ANO2: variants seen among roughly 807,000 people sequenced by gnomAD.
ANO2 encodes anoctamin 2, also known as anoctamin-2.
A neutral mutation model predicts 124.2 loss-of-function variants in ANO2; 101 were observed. That is an observed-to-expected ratio of 0.81 (90% confidence interval 0.69 to 0.96). The LOEUF (loss-of-function observed/expected upper bound fraction) is 0.96. ANO2 is among the 40% of genes least tolerant of loss of function. The probability of loss-of-function intolerance (pLI) is 0.00; values close to 1 mark genes in which losing one functional copy is unlikely to be tolerated. For missense variants in ANO2, 1,293 were observed against 1,274.5 expected, an observed-to-expected ratio of 1.01 and a Z score of -0.22; for synonymous variants, 486 against 482.5, an observed-to-expected ratio of 1.01 and a Z score of -0.09.
At position 5,841,870 on chromosome 12, in the gene ANO2, T is replaced by C. The variant is rs550238593; in HGVS notation, c.634-9267A>G. On this transcript the variant is annotated intron_variant, in intron 4 of 24. Coordinates refer to ENST00000682330, the MANE Select transcript of ANO2 (RefSeq NM_001364791.2). ...TGGTGCCTCCTAATTTATTTTACTT[T>C]TTATTTTTTATTTTTTTGAGACAAG... Among the ~76,000 whole-genome samples, 6 of 152,228 alleles carry C rather than the reference T, an allele frequency of 3.9e-5. No individual in the cohort carries two copies. The East Asian group carries it at 1.2e-3, about 29-fold the overall frequency.
At chr12:5,736,379 C>T (rs567274390) in intron 13 of ANO2, among the ~76,000 whole-genome samples, 1 of 152,316 alleles carries the variant, frequency 6.6e-6, no homozygotes, top group African/African-American at 2.4e-5. Flanking sequence ...TGTCAGTTGG[C>T]ACCCTCCTTT....
In ANO2 at chr12:5,807,281, A is replaced by T. The variant is rs770700745; in HGVS notation, c.948+32T>A. 8 of 1,543,110 alleles carry T rather than the reference A, an allele frequency of 5.2e-6. No individual in the cohort carries two copies. The South Asian group carries it at 9.8e-5, about 19-fold the overall frequency. On this transcript the variant is annotated intron_variant, in intron 8 of 24. Transcript: ENST00000682330. ...TGTGGTTTTCAAAGTTTTGAAGACT[A>T]CAGAGAGCACGCTGATGAAAATAGT...
rs564177951 is a variant in ANO2, at chr12:5,825,135, T to C, written c.892+2634A>G. ...ACTATCATGGTATTCCATACAGCAT[T>C]GCATCTGACCAAGGCACTCACTTTA... On this transcript the variant is annotated intron_variant, in intron 7 of 24. Transcript: ENST00000682330. 6.6e-5 allele frequency among the ~76,000 whole-genome samples: 10 copies of C among 152,282 alleles called. No homozygotes were observed. In the South Asian group the frequency reaches 1.5e-3, roughly 22 times the overall value.
intron 14 of ANO2, among the ~76,000 whole-genome samples, chr12:5,698,987 G>A (rs1949298844): frequency 6.6e-6 from 1 of 152,196 alleles, no homozygotes; most frequent in Non-Finnish European, 1.5e-5. Context: ...GAAAGTGACG[G>A]GGAGAATGGA....
At chr12:5,816,029 G>A (rs910143637) in intron 7 of ANO2, among the ~76,000 whole-genome samples, 1 of 151,998 alleles carries the variant, frequency 6.6e-6, no homozygotes, top group South Asian at 2.1e-4. Context: ...ATGGGAAAGA[G>A]AATTAGCTTT....
intron 3 of ANO2, among the ~76,000 whole-genome samples, chr12:5,860,336 T>C (rs1955227411): frequency 1.3e-5 from 2 of 152,198 alleles, no homozygotes; most frequent in South Asian, 4.1e-4. Context: ...ACAATCATTG[T>C]GTCACTAAGC....
At chr12:5,828,500 T>C (rs1475874961) in intron 6 of ANO2, among the ~76,000 whole-genome samples, 3 of 152,230 alleles carry the variant, frequency 2.0e-5, no homozygotes, top group Non-Finnish European at 2.9e-5. Flanking sequence ...TTTATTTCTC[T>C]GGTTTTTTCC....
chr12:5,888,891 G>A (rs901018656), intron 3 of ANO2, among the ~76,000 whole-genome samples: 6 of 152,200 alleles, frequency 3.9e-5, no homozygotes, highest in African/African-American at 7.2e-5. Flanking sequence ...CACGCCGTGC[G>A]CCCACACTCC....
chr12:5,667,134 T>A (rs1051288895), intron 14 of ANO2, among the ~76,000 whole-genome samples: 1 of 152,300 alleles, frequency 6.6e-6, no homozygotes, highest in Non-Finnish European at 1.5e-5. Flanking sequence ...CCCCACCCTA[T>A]GCATTTCTTC....
At position 5,777,269 on chromosome 12, in the gene ANO2, A is replaced by G. The variant is rs192905163; in HGVS notation, c.1055+22238T>C. Among the ~76,000 whole-genome samples, 258 of 152,320 alleles carry G rather than the reference A, an allele frequency of 1.7e-3. 1 individual carries two copies. The highest frequency in any genetic ancestry group is 5.9e-3 in the African/African-American group (246 of 41,576). ...CAAGAAGAAATGATATTTAGCTCAGATAGTGAGGTCATAGGGCGGCAAAAA... is the reference window on the plus strand; with the variant it reads ...CAAGAAGAAATGATATTTAGCTCAGGTAGTGAGGTCATAGGGCGGCAAAAA... On this transcript the variant is annotated intron_variant, in intron 10 of 24. Transcript: ENST00000682330.
chr12:5,628,692 G>GCA (rs1945539506), intron 16 of ANO2, among the ~76,000 whole-genome samples: 3 of 152,090 alleles, frequency 2.0e-5, no homozygotes, highest in South Asian at 2.1e-4. Context: ...GTGTGTGCGC[G>GCA]CGCGCACGCG....
intron 14 of ANO2, among the ~76,000 whole-genome samples, chr12:5,674,088 A>G (rs1201213483): frequency 6.6e-6 from 1 of 152,206 alleles, no homozygotes; most frequent in Non-Finnish European, 1.5e-5. Context: ...GGCTTGCCTC[A>G]GTCACATGCA....
chr12:5,792,745 T>C (rs564441164), intron 10 of ANO2, among the ~76,000 whole-genome samples: 114 of 152,332 alleles, frequency 7.5e-4, no homozygotes, highest in African/African-American at 2.6e-3. Flanking sequence ...TTTCTATAAA[T>C]TTTCTCCATC....
In ANO2 at chr12:5,635,096, G is replaced by A; in HGVS notation, c.1816+56C>T. ...TTTTTATTTTATCACCAAAAGCCTT[G>A]CACGCATTGACTTAAAGAGGGCCTA... On this transcript the variant is annotated intron_variant, in intron 16 of 24. Coordinates refer to ENST00000682330, the MANE Select transcript of ANO2 (RefSeq NM_001364791.2). The surrounding 1 kb of genome is among the most constrained non-coding windows in gnomAD (Gnocchi z 5.2). 7.0e-7 allele frequency: 1 copy of A among 1,423,590 alleles called. No homozygotes were observed. Among genetic ancestry groups the A allele is most frequent in the South Asian group, 1.5e-5 (1 of 66,270 alleles). 88.2% of individuals were successfully genotyped at this position (1,423,590 alleles called of 1,614,324 possible). A position where few individuals can be genotyped will look rare whatever the true frequency, so the allele number is the denominator to read the frequency against.
chr12:5,673,873 T>C (rs1312901783), intron 14 of ANO2, among the ~76,000 whole-genome samples: 1 of 152,138 alleles, frequency 6.6e-6, no homozygotes, highest in Non-Finnish European at 1.5e-5. Context: ...GTCCAGCCCA[T>C]GGACAAAGCT....
intron 11 of ANO2, among the ~76,000 whole-genome samples, chr12:5,746,968 T>C (rs1192362275): frequency 6.6e-6 from 1 of 152,212 alleles, no homozygotes; most frequent in East Asian, 1.9e-4. Flanking sequence ...CATGCACGCA[T>C]GGAAGTATTA....
intron 14 of ANO2, among the ~76,000 whole-genome samples, chr12:5,676,034 T>C (rs1466580678): frequency 6.6e-6 from 1 of 152,170 alleles, no homozygotes; most frequent in Non-Finnish European, 1.5e-5. Flanking sequence ...AGGCTGACAA[T>C]TCTGGGCACC....
At chr12:5,778,678 C>T (rs1482188572) in intron 10 of ANO2, among the ~76,000 whole-genome samples, 4 of 152,152 alleles carry the variant, frequency 2.6e-5, no homozygotes, top group African/African-American at 9.7e-5. Flanking sequence ...GAAATATGGT[C>T]ATCTCAAACC....
intron 10 of ANO2, among the ~76,000 whole-genome samples, chr12:5,770,190 T>C (rs2137119047): frequency 6.6e-6 from 1 of 152,292 alleles, no homozygotes; most frequent in South Asian, 2.1e-4. Flanking sequence ...TGGAAATAGA[T>C]TCCCAATGAC....
Sources: allele counts gnomAD v4.1 joint callset (sites outside exome capture counted in the v4.1 genomes callset), GRCh38; gene constraint gnomAD v4.1.1; non-coding constraint Gnocchi (gnomAD v3.1); transcripts MANE v1.5; gene names NCBI Gene and HGNC (gene_info 2026-07-23, HGNC 2026-07-21).